Variants in NPPC observed in about 807,000 individuals in gnomAD.
NPPC encodes the protein C-type natriuretic peptide.
A neutral mutation model predicts 10.2 loss-of-function variants in NPPC; 4 were observed. The observed-to-expected ratio is 0.39, with a 90% CI of 0.19 to 0.90. The LOEUF (loss-of-function observed/expected upper bound fraction) is 0.90. Among genes scored for constraint, NPPC ranks in the 40% least tolerant of loss-of-function variants. The pLI is 0.37. For missense variants in NPPC, 182 were observed against 173.8 expected, an observed-to-expected ratio of 1.05 and a Z score of -0.26; for synonymous variants, 83 against 87.3, an observed-to-expected ratio of 0.95 and a Z score of 0.27.
chr2:231,924,085 C>T (rs1691966386), intron 2 of NPPC, among the ~76,000 whole-genome samples: 1 of 152,188 alleles, frequency 6.6e-6, no homozygotes, highest in African/African-American at 2.4e-5. Context: ...GGCCCACAGC[C>T]GAGTGAGGTC....
chr2:231,925,339 AGGCC>A, intron 2 of NPPC, 62 bp downstream of exon 2: 3 of 1,347,962 alleles, frequency 2.2e-6, no homozygotes, highest in Non-Finnish European at 2.9e-6. Flanking sequence ...GCGCCTCCGA[AGGCC>A]GGCTGGGCGG....
intron 2 of NPPC, among the ~76,000 whole-genome samples, chr2:231,923,344 C>T (rs959907198): frequency 4.6e-5 from 7 of 152,248 alleles, no homozygotes; most frequent in South Asian, 2.1e-4. Context: ...ACCATCATTA[C>T]GGTGGCTTAG....
rs1457644408 is a variant in NPPC, at chr2:231,925,644, G to A, written c.162C>T (p.Asp54=). Residue 54 remains aspartate (D), a synonymous_variant, in exon 2 of 3, where the codon GAC becomes GAT. Transcript: ENST00000409852. The stretch of plus-strand genomic sequence containing the variant: ...TGGCGCCCCCGCCCCCGGGAGCCTT[G>A]TCGCCCTTCTTCTGACCGCCGCCCG... ...QAAGGGQKKG[D]KAPGGGGANL... 3 of 1,606,382 alleles carry A rather than the reference G, an allele frequency of 1.9e-6. No homozygotes were observed. Among genetic ancestry groups the A allele is most frequent in the Non-Finnish European group, 1.7e-6 (2 of 1,177,886 alleles).
chr2:231,924,199 G>C (rs1406080744), intron 2 of NPPC, among the ~76,000 whole-genome samples: 2 of 152,242 alleles, frequency 1.3e-5, no homozygotes, highest in Admixed American at 6.5e-5. Flanking sequence ...ATATTTCCAC[G>C]AGTCTGTTCG....
At chr2:231,926,096 C>T in intron 1 of NPPC, 64 bp downstream of exon 1, 1 of 1,166,242 alleles carries the variant, frequency 8.6e-7, no homozygotes, top group South Asian at 3.1e-5. Flanking sequence ...CTGCGCGCCG[C>T]ATTCTCCAAG....
In NPPC at chr2:231,926,183, C is replaced by T; in HGVS notation, c.67G>A (p.Ala23Thr). The T allele has an allele frequency of 3.0e-6, 4 of 1,312,896 alleles. No homozygotes were observed. The highest frequency in any genetic ancestry group is 3.9e-6 in the Non-Finnish European group (4 of 1,029,520). 81.3% of individuals were successfully genotyped at this position (1,312,896 alleles called of 1,614,324 possible). Residue 23 changes from alanine (A) to threonine (T), a missense_variant, in exon 1 of 3, where the codon GCC (alanine) becomes ACC (threonine). Ala to Thr is a moderately conservative substitution (Grantham distance 58, BLOSUM62 0). Coordinates refer to ENST00000409852, the MANE Select transcript of NPPC (RefSeq NM_024409.4). ...ACCTTCGGCGGCGCCCCGGGCTTGG[C>T]TTCGGAGGGCCGGAGGGAGAGCAGC... ...LTLLSLRPSE[A>T]KPGAPPKVPR...
In NPPC at chr2:231,922,114, T is replaced by C. The variant is rs975735933; in HGVS notation, c.*222A>G. ...ATATATAATATATAACTTTTTATTTTTCATTTTAAAAAAACAAATAATAAA... is the reference window on the plus strand; with the variant it reads ...ATATATAATATATAACTTTTTATTTCTCATTTTAAAAAAACAAATAATAAA... On this transcript the variant is annotated 3_prime_UTR_variant, in exon 3 of 3. Coordinates refer to ENST00000409852, the MANE Select transcript of NPPC (RefSeq NM_024409.4). 2 of 151,070 alleles carry C rather than the reference T, an allele frequency of 1.3e-5. No individual in the cohort carries two copies. The highest frequency in any genetic ancestry group is 2.4e-5 in the African/African-American group (1 of 41,312). The allele number at this position is 151,070 out of a possible 1,614,324, so 9.4% of individuals were successfully genotyped here.
At chr2:231,922,494 C>T (rs1359622386) in intron 2 of NPPC, among the ~76,000 whole-genome samples, 179 bp from the exon 3 acceptor site, 3 of 152,084 alleles carry the variant, frequency 2.0e-5, no homozygotes, top group Admixed American at 6.6e-5. Context: ...CCCCATTGCG[C>T]ACTCCCCAGG....
chr2:231,924,922 A>T (rs1261486783), intron 2 of NPPC, among the ~76,000 whole-genome samples: 1 of 152,222 alleles, frequency 6.6e-6, no homozygotes, highest in Non-Finnish European at 1.5e-5. Flanking sequence ...GAGAAGGGAC[A>T]GGAATCGGAG....
Position 231,925,710 on chromosome 2 carries a change from C to T in NPPC, c.96G>A (p.Pro32=). 1.9e-6 allele frequency: 3 copies of T among 1,562,784 alleles called. No homozygotes were observed. The highest frequency in any genetic ancestry group is 2.4e-5 in the South Asian group (2 of 84,962). ...EAKPGAPPKV[P]RTPPAEELAE... ...CCAGCTCCTCTGCCGGCGGGGTTCG[C>T]GGGACCTGTCCGAGGAAAGAGCGGG... The change falls in exon 2 of 3, where the codon CCG becomes CCA. Residue 32 remains proline, a synonymous_variant. Coordinates refer to ENST00000409852, the MANE Select transcript of NPPC (RefSeq NM_024409.4).
rs529457996 is a variant in NPPC, at chr2:231,923,858, T to A, written c.*21-1543A>T. ...GAACCAATGGAGAGTCACTAACATT[T>A]GCTCAGGTTCTAAAGTTTGAACTTG... On this transcript the variant is annotated intron_variant, in intron 2 of 2. Transcript: ENST00000409852. 4.6e-5 allele frequency among the ~76,000 whole-genome samples: 7 copies of A among 152,374 alleles called. No homozygotes were observed. In the South Asian group the frequency reaches 1.4e-3, roughly 32 times the overall value.
intron 2 of NPPC, among the ~76,000 whole-genome samples, chr2:231,924,156 C>T (rs1012216847): frequency 1.3e-5 from 2 of 152,210 alleles, no homozygotes; most frequent in African/African-American, 4.8e-5. Context: ...TGGCCATGGG[C>T]CAGGGTGTGC....
intron 2 of NPPC, among the ~76,000 whole-genome samples, chr2:231,923,359 C>T (rs915846032): frequency 2.0e-5 from 3 of 152,242 alleles, no homozygotes; most frequent in African/African-American, 7.2e-5. Flanking sequence ...GCTTAGAGCC[C>T]AGGTCACCCA....
In NPPC at chr2:231,922,133, TA is replaced by T. The variant is rs1162720694; in HGVS notation, c.*202del. On this transcript the variant is annotated 3_prime_UTR_variant, in exon 3 of 3. Coordinates refer to ENST00000409852, the MANE Select transcript of NPPC (RefSeq NM_024409.4). ...TTATTTTTCATTTTAAAAAAACAAA[TA>T]ATAAAATCACAACCCCCTCCCCAAA... 1 of 150,998 alleles carries T rather than the reference TA, an allele frequency of 6.6e-6. No homozygotes were observed. The highest frequency in any genetic ancestry group is 1.5e-5 in the Non-Finnish European group (1 of 67,788). The allele number at this position is 150,998 out of a possible 1,614,324, so 9.4% of individuals were successfully genotyped here. A position where few individuals can be genotyped will look rare whatever the true frequency, so the allele number is the denominator to read the frequency against.
rs770117333 is a variant in NPPC at position 231,925,395 on chromosome 2, C to T, written c.*20+10G>A. 4 of 1,571,358 alleles carry T rather than the reference C, an allele frequency of 2.5e-6. No homozygotes were observed. Among genetic ancestry groups the T allele is most frequent in the East Asian group, 4.7e-5 (2 of 42,442 alleles). ...GGGCTGGGGCTGGGCGTCGGGTGGG[C>T]CGTACTCACCGCCGCCAGGGGGCGC... On this transcript the variant is annotated intron_variant, in intron 2 of 2. Coordinates refer to ENST00000409852, the MANE Select transcript of NPPC (RefSeq NM_024409.4).
chr2:231,925,173 C>G (rs1691984779), intron 2 of NPPC, among the ~76,000 whole-genome samples: 1 of 152,236 alleles, frequency 6.6e-6, no homozygotes, highest in Non-Finnish European at 1.5e-5. Flanking sequence ...TTCTGCTTCT[C>G]CAGAAGAAGC....
At chr2:231,925,846 G>T in intron 1 of NPPC, 131 bp from the exon 2 acceptor site, 4 of 1,131,084 alleles carry the variant, frequency 3.5e-6, no homozygotes, top group Non-Finnish European at 4.7e-6. Context: ...ACCGATGCCG[G>T]CCAGCTTGGC....
chr2:231,926,369 G>A lies in NPPC; in HGVS notation c.-120C>T. 5.4e-6 allele frequency: 3 copies of A among 553,296 alleles called. No individual in the cohort carries two copies. Among genetic ancestry groups the A allele is most frequent in the Non-Finnish European group, 5.4e-6 (2 of 368,356 alleles). 34.3% of individuals were successfully genotyped at this position (553,296 alleles called of 1,614,324 possible). A position where few individuals can be genotyped will look rare whatever the true frequency, so the allele number is the denominator to read the frequency against. ...GCTGCAGGGCGAGCAGGGTCCCAGT[G>A]CTGCGCGGCGCCGGCTGGGTGCGCT... On this transcript the variant is annotated 5_prime_UTR_variant, in exon 1 of 3. Transcript: ENST00000409852.
At chr2:231,924,772 CT>C (rs1365934391) in intron 2 of NPPC, among the ~76,000 whole-genome samples, 1 of 152,132 alleles carries the variant, frequency 6.6e-6, no homozygotes, top group Non-Finnish European at 1.5e-5. Flanking sequence ...GAGTTCGAGG[CT>C]GGGGCAAATA....
Sources: gnomAD v4.1 joint callset for allele counts (sites outside exome capture counted in the v4.1 genomes callset) on GRCh38, gnomAD v4.1.1 for gene constraint, MANE v1.5 for transcripts, NCBI Gene and HGNC (gene_info 2026-07-23, HGNC 2026-07-21) for gene names.